FAM168A: variants seen among roughly 807,000 people sequenced by gnomAD.
The protein encoded by FAM168A is family with sequence similarity 168 member A, also known as protein FAM168A.
A neutral mutation model predicts 28.5 loss-of-function variants in FAM168A; 3 were observed. That is an observed-to-expected ratio of 0.11 (90% CI 0.05 to 0.27). The LOEUF is 0.27. Among genes scored for constraint, FAM168A ranks in the 10% least tolerant of loss-of-function variants. The probability of loss-of-function intolerance (pLI) is 1.00; values close to 1 mark genes in which losing one functional copy is unlikely to be tolerated. For synonymous variants in FAM168A, 122 were observed against 124.2 expected, an observed-to-expected ratio of 0.98 and a Z score of 0.12; for missense variants, 222 against 311.5, an observed-to-expected ratio of 0.71 and a Z score of 2.16.
chr11:73,488,168 T>C (rs1232877731), intron 1 of FAM168A, among the ~76,000 whole-genome samples: 2 of 152,072 alleles, frequency 1.3e-5, no homozygotes, highest in Non-Finnish European at 2.9e-5. Flanking sequence ...TCTCACTCTA[T>C]TGCCCAGGCT....
At chr11:73,530,681 T>C (rs180821695) in intron 1 of FAM168A, among the ~76,000 whole-genome samples, 104 of 152,326 alleles carry the variant, frequency 6.8e-4, no homozygotes, top group Middle Eastern at 3.4e-3. Context: ...TTCTCTTTTA[T>C]CTCTTTTAAG....
intron 4 of FAM168A, among the ~76,000 whole-genome samples, chr11:73,411,885 G>A: frequency 6.6e-6 from 1 of 152,280 alleles, no homozygotes; most frequent in South Asian, 2.1e-4. Context: ...CACAGAGATG[G>A]AAACCCTCAA....
At chr11:73,574,533 A>G (rs960726264) in intron 1 of FAM168A, among the ~76,000 whole-genome samples, 1 of 152,124 alleles carries the variant, frequency 6.6e-6, no homozygotes, top group Admixed American at 6.5e-5. Context: ...ACAGCATCAC[A>G]TGAAAATATA....
chr11:73,455,167 T>C (rs1278029107), intron 2 of FAM168A, among the ~76,000 whole-genome samples: 1 of 152,212 alleles, frequency 6.6e-6, no homozygotes, highest in Non-Finnish European at 1.5e-5. Flanking sequence ...CGCACAGAGT[T>C]CACTGATGCC....
In FAM168A at chr11:73,409,552, G is replaced by T. The variant is rs575303371; in HGVS notation, c.530C>A (p.Ala177Asp). ...GGCCACACCGTTGGTCCTCGGGGCG[G>T]CAACAGGTGCTGGGTAGATAGCAGA... The part of the protein sequence containing the change: ...IPSAIYPAPV[A>D]APRTNGVAMG... Residue 177 changes from alanine to aspartate, a missense_variant, in exon 6 of 8, where the codon GCC (alanine) becomes GAC (aspartate). Ala to Asp is a moderately radical substitution (Grantham distance 126). Transcript: ENST00000356467. 9 of 1,613,996 alleles carry T rather than the reference G, an allele frequency of 5.6e-6. No homozygotes were observed. The highest frequency in any genetic ancestry group is 5.9e-6 in the Non-Finnish European group (7 of 1,179,928).
At chr11:73,551,230 T>C (rs1277418902) in intron 1 of FAM168A, among the ~76,000 whole-genome samples, 1 of 152,092 alleles carries the variant, frequency 6.6e-6, no homozygotes, top group African/African-American at 2.4e-5. Context: ...AAAAAACCTC[T>C]GGAAGGTTTT....
At chr11:73,492,502 C>G (rs527468772) in intron 1 of FAM168A, among the ~76,000 whole-genome samples, 21 of 152,170 alleles carry the variant, frequency 1.4e-4, no homozygotes, top group African/African-American at 5.1e-4. Context: ...ATTAGCCGGG[C>G]ACGGTGGCGT....
chr11:73,546,732 CA>C (rs145898219), intron 1 of FAM168A, among the ~76,000 whole-genome samples: 10,015 of 77,324 alleles, frequency 0.13, 841 homozygotes, highest in African/African-American at 0.34. Context: ...AACTCCATCT[CA>C]AAAAAAAAAA....
chr11:73,445,818 C>G (rs1048622438), intron 2 of FAM168A, among the ~76,000 whole-genome samples: 3 of 152,154 alleles, frequency 2.0e-5, no homozygotes, highest in Admixed American at 6.5e-5. Flanking sequence ...ACTTACAGCC[C>G]TTATCAAATA....
intron 3 of FAM168A, chr11:73,425,125 G>A (rs1866865791): frequency 8.9e-7 from 1 of 1,124,972 alleles, no homozygotes; most frequent in African/African-American, 1.6e-5. Flanking sequence ...TACATAAACA[G>A]ACTTTGTTTT....
At chr11:73,593,359 T>TA (rs1391473894) in intron 1 of FAM168A, among the ~76,000 whole-genome samples, 1 of 152,124 alleles carries the variant, frequency 6.6e-6, no homozygotes, top group Non-Finnish European at 1.5e-5. Context: ...TTTTACAATT[T>TA]AAAAAAAGGA....
chr11:73,438,703 AAGG>A (rs1285163136), intron 2 of FAM168A, among the ~76,000 whole-genome samples: 1 of 152,178 alleles, frequency 6.6e-6, no homozygotes, highest in African/African-American at 2.4e-5. Context: ...GCAGAATGAA[AAGG>A]AGTTCAGAGT....
At chr11:73,582,026 G>A (rs1237397599) in intron 1 of FAM168A, among the ~76,000 whole-genome samples, 1 of 151,832 alleles carries the variant, frequency 6.6e-6, no homozygotes, top group Non-Finnish European at 1.5e-5. Flanking sequence ...CAACTTATTT[G>A]TTTATACCTT....
intron 3 of FAM168A, among the ~76,000 whole-genome samples, chr11:73,421,489 G>C (rs949895459): frequency 2.0e-5 from 3 of 152,206 alleles, no homozygotes; most frequent in African/African-American, 4.8e-5. Context: ...TCTGATAAGA[G>C]AAATGGAGAC....
intron 1 of FAM168A, among the ~76,000 whole-genome samples, chr11:73,485,332 C>A (rs1298155924): frequency 6.6e-6 from 1 of 152,036 alleles, no homozygotes; most frequent in African/African-American, 2.4e-5. Context: ...ACACACAGAC[C>A]CTGCCATCAG....
intron 1 of FAM168A, among the ~76,000 whole-genome samples, chr11:73,584,129 T>C (rs1407360084): frequency 6.6e-6 from 1 of 152,094 alleles, no homozygotes; most frequent in Admixed American, 6.5e-5. Flanking sequence ...CAATGATGAT[T>C]GATCTAGTCA....
chr11:73,492,029 T>G (rs1388379676), intron 1 of FAM168A, among the ~76,000 whole-genome samples: 1 of 152,236 alleles, frequency 6.6e-6, no homozygotes, highest in Non-Finnish European at 1.5e-5. Context: ...AAAAGATAGC[T>G]TTATGATTTC....
At chr11:73,517,160 CCA>C (rs369608560) in intron 1 of FAM168A, among the ~76,000 whole-genome samples, 23 of 152,130 alleles carry the variant, frequency 1.5e-4, no homozygotes, top group African/African-American at 5.3e-4. Flanking sequence ...AGCAATCCTC[CCA>C]CCTCAGCCTC....
intron 1 of FAM168A, among the ~76,000 whole-genome samples, chr11:73,577,035 T>G (rs1944185951): frequency 6.6e-6 from 1 of 152,056 alleles, no homozygotes; most frequent in Non-Finnish European, 1.5e-5. Flanking sequence ...ATGGGAAACC[T>G]GAGACACTAC....
Sources: gnomAD v4.1 joint callset for allele counts (sites outside exome capture counted in the v4.1 genomes callset) on GRCh38, gnomAD v4.1.1 for gene constraint, MANE v1.5 for transcripts, NCBI Gene and HGNC (gene_info 2026-07-23, HGNC 2026-07-21) for gene names.